RMND5A: variants seen among roughly 807,000 people sequenced by gnomAD.
RMND5A encodes E3 ubiquitin-protein transferase RMND5A.
Under a neutral mutation model 49.7 loss-of-function variants are expected in RMND5A, and 17 were observed. The observed-to-expected ratio is 0.34, with a 90% CI of 0.23 to 0.51. RMND5A has a LOEUF of 0.51. Ranked by LOEUF, RMND5A falls within the 20% of genes least tolerant of loss-of-function variation. The probability of loss-of-function intolerance (pLI) is 0.96; values close to 1 mark genes in which losing one functional copy is unlikely to be tolerated. For synonymous variants in RMND5A, 156 were observed against 167.7 expected, an observed-to-expected ratio of 0.93 and a Z score of 0.54; for missense variants, 255 against 471.3, an observed-to-expected ratio of 0.54 and a Z score of 4.25.
intron 2 of RMND5A, among the ~76,000 whole-genome samples, chr2:86,742,909 C>T (rs1377232730): frequency 1.3e-5 from 2 of 151,842 alleles, no homozygotes. Context: ...ATGGGCTCAG[C>T]AACTATAATT....
At chr2:86,764,396 C>G (rs1393118752) in intron 4 of RMND5A, among the ~76,000 whole-genome samples, 2 of 152,170 alleles carry the variant, frequency 1.3e-5, no homozygotes, top group African/African-American at 4.8e-5. Flanking sequence ...TCCAACTGTT[C>G]TATAGAAGCC....
chr2:86,771,484 A>G, intron 7 of RMND5A, 74 bp from the exon 8 acceptor site: 1 of 1,317,520 alleles, frequency 7.6e-7, no homozygotes, highest in Non-Finnish European at 1.1e-6. Context: ...TTTGCTGCAC[A>G]GTGTATATTA....
chr2:86,744,632 T>A (rs929109895), intron 2 of RMND5A, among the ~76,000 whole-genome samples: 3 of 152,230 alleles, frequency 2.0e-5, no homozygotes, highest in African/African-American at 7.2e-5. Context: ...ATCATGTCTC[T>A]GAAAATATAA....
intron 6 of RMND5A, among the ~76,000 whole-genome samples, chr2:86,768,121 C>T (rs1672630903): frequency 6.6e-6 from 1 of 152,144 alleles, no homozygotes; most frequent in Non-Finnish European, 1.5e-5. Context: ...TAATCGGCAC[C>T]TTTTATGTTT....
intron 7 of RMND5A, among the ~76,000 whole-genome samples, 158 bp downstream of exon 7, chr2:86,770,283 C>T (rs992159112): frequency 6.6e-6 from 1 of 152,036 alleles, no homozygotes; most frequent in Non-Finnish European, 1.5e-5. Context: ...AAATGAAGAG[C>T]CTAGTACATT....
chr2:86,754,660 A>C (rs1681697590), intron 4 of RMND5A, among the ~76,000 whole-genome samples: 2 of 151,440 alleles, frequency 1.3e-5, no homozygotes, highest in East Asian at 3.9e-4. Context: ...CCAACCCCCC[A>C]ACCTCCCGCC....
In RMND5A at chr2:86,757,570, A is replaced by G. The variant is rs553379820; in HGVS notation, c.521+4012A>G. Among the ~76,000 whole-genome samples the G allele has an allele frequency of 1.2e-4, 18 of 152,338 alleles. No individual in the cohort carries two copies. In the South Asian group the frequency reaches 3.7e-3, roughly 32 times the overall value. On this transcript the variant is annotated intron_variant, in intron 4 of 8. Transcript: ENST00000283632. ...AACGAGAGAATAGTAACTTAATACA[A>G]CGAGGTGGGGGAAATATTAGAAAAA...
At position 86,777,762 on chromosome 2, in the gene RMND5A, A is replaced by C. The variant is rs1240750241; in HGVS notation, c.*4351A>C. On this transcript the variant is annotated 3_prime_UTR_variant, in exon 9 of 9. Coordinates refer to ENST00000283632, the MANE Select transcript of RMND5A (RefSeq NM_022780.4). Reference sequence around the variant, plus strand: ...GGCACAGTAAAGTTGCATCTTATAGACTATAGGCAATAAAGCTAACAATAA... The same window carrying C: ...GGCACAGTAAAGTTGCATCTTATAGCCTATAGGCAATAAAGCTAACAATAA... The C allele has an allele frequency of 6.6e-6, 1 of 152,220 alleles. No individual in the cohort carries two copies. The highest frequency in any genetic ancestry group is 1.5e-5 in the Non-Finnish European group (1 of 68,034). The allele number at this position is 152,220 out of a possible 1,614,324, so 9.4% of individuals were successfully genotyped here. A position where few individuals can be genotyped will look rare whatever the true frequency, so the allele number is the denominator to read the frequency against.
intron 2 of RMND5A, among the ~76,000 whole-genome samples, chr2:86,745,714 T>C (rs1681525267): frequency 6.6e-6 from 1 of 152,232 alleles, no homozygotes; most frequent in African/African-American, 2.4e-5. Flanking sequence ...ATATTGAGTG[T>C]TGACCATGTT....
At position 86,776,879 on chromosome 2, in the gene RMND5A, C is replaced by T. The variant is rs1271896255; in HGVS notation, c.*3468C>T. On this transcript the variant is annotated 3_prime_UTR_variant, in exon 9 of 9. Coordinates refer to ENST00000283632, the MANE Select transcript of RMND5A (RefSeq NM_022780.4). ...TCTGGTAACACTAGAATGCTGTGGT[C>T]TTGAGGGAATGTTAGCAAGGAACAC... 6.6e-6 allele frequency: 1 copy of T among 152,132 alleles called. No homozygotes were observed. Among genetic ancestry groups the T allele is most frequent in the Non-Finnish European group, 1.5e-5 (1 of 68,036 alleles). 9.4% of individuals were successfully genotyped at this position (152,132 alleles called of 1,614,324 possible). A position where few individuals can be genotyped will look rare whatever the true frequency, so the allele number is the denominator to read the frequency against.
In RMND5A at chr2:86,746,325, T is replaced by C. The variant is rs1681537250; in HGVS notation, c.285+5256T>C. ...TTTATATTTTCTAATAAGGATTCTT[T>C]TAAATACAGAAGCAGAAGGTTTGGT... On this transcript the variant is annotated intron_variant, in intron 2 of 8. Transcript: ENST00000283632. Among the ~76,000 whole-genome samples the C allele has an allele frequency of 2.0e-5, 3 of 152,232 alleles. No individual in the cohort carries two copies. The South Asian group carries it at 6.2e-4, about 31-fold the overall frequency.
At chr2:86,770,149 A>G (rs1271911233) in intron 7 of RMND5A, 24 bp downstream of exon 7, 4 of 1,484,012 alleles carry the variant, frequency 2.7e-6, no homozygotes, top group African/African-American at 1.4e-5. Context: ...TCTATTGGCT[A>G]TTTACTTTTA....
intron 8 of RMND5A, among the ~76,000 whole-genome samples, chr2:86,773,042 C>T (rs1285873224): frequency 1.3e-5 from 2 of 152,154 alleles, no homozygotes; most frequent in Non-Finnish European, 2.9e-5. Flanking sequence ...CAACCTAAAC[C>T]TTTGGGAAAG....
At chr2:86,758,012 C>G (rs1413349879) in intron 4 of RMND5A, among the ~76,000 whole-genome samples, 1 of 152,184 alleles carries the variant, frequency 6.6e-6, no homozygotes, top group African/African-American at 2.4e-5. Context: ...TTATGTCCAC[C>G]ATGGAGGTTG....
intron 2 of RMND5A, among the ~76,000 whole-genome samples, chr2:86,747,953 G>A (rs1681567250): frequency 6.6e-6 from 1 of 152,188 alleles, no homozygotes; most frequent in Non-Finnish European, 1.5e-5. Context: ...CACACCCTTG[G>A]ATGTGTGCTT....
In RMND5A at chr2:86,765,973, G is replaced by A. The variant is rs772616418; in HGVS notation, c.803G>A (p.Arg268Gln). The A allele has an allele frequency of 9.3e-6, 15 of 1,613,998 alleles. No homozygotes were observed. The African/African-American group carries it at 1.1e-4, about 11-fold the overall frequency. Residue 268 changes from arginine to glutamine, a missense_variant, in exon 6 of 9, where the codon CGG (arginine) becomes CAG (glutamine). Arg to Gln is a conservative substitution (Grantham distance 43). Coordinates refer to ENST00000283632, the MANE Select transcript of RMND5A (RefSeq NM_022780.4). ...QWADICDIFT[R>Q]DACALLGLSV... ...GCTGATATCTGTGACATCTTTACAC[G>A]GGATGCTTGTGCCCTCCTGGGGCTC...
intron 2 of RMND5A, among the ~76,000 whole-genome samples, chr2:86,745,202 A>C (rs1681516842): frequency 6.6e-6 from 1 of 152,228 alleles, no homozygotes; most frequent in Admixed American, 6.5e-5. Flanking sequence ...GTATGTGTGC[A>C]TATGTGTTAA....
At chr2:86,741,348 A>T (rs948529004) in intron 2 of RMND5A, among the ~76,000 whole-genome samples, 12 of 151,954 alleles carry the variant, frequency 7.9e-5, no homozygotes, top group Non-Finnish European at 1.3e-4. Flanking sequence ...TGATAAATAA[A>T]GTTCCAAAGA....
intron 2 of RMND5A, among the ~76,000 whole-genome samples, chr2:86,747,643 T>C (rs1681560332): frequency 6.6e-6 from 1 of 152,234 alleles, no homozygotes; most frequent in South Asian, 2.1e-4. Flanking sequence ...GTTAATACTA[T>C]TAGGGAATTG....
Sources: gnomAD v4.1 joint callset for allele counts (sites outside exome capture counted in the v4.1 genomes callset) on GRCh38, gnomAD v4.1.1 for gene constraint, MANE v1.5 for transcripts, NCBI Gene and HGNC (gene_info 2026-07-23, HGNC 2026-07-21) for gene names.